The following PCSK5 variants were observed in gnomAD, a reference collection of about 807,000 sequenced individuals.
PCSK5 encodes the protein proprotein convertase subtilisin/kexin type 5.
A neutral mutation model predicts 233.2 loss-of-function variants in PCSK5; 129 were observed. That is an observed-to-expected ratio of 0.55 (90% CI 0.48 to 0.64). PCSK5 has a LOEUF of 0.64. Among genes scored for constraint, PCSK5 ranks in the 30% least tolerant of loss-of-function variants. PCSK5 has a pLI of 0.00. For synonymous variants in PCSK5, 825 were observed against 879.2 expected, an observed-to-expected ratio of 0.94 and a Z score of 1.09; for missense variants, 2,076 against 2,430.1, an observed-to-expected ratio of 0.85 and a Z score of 3.06.
At chr9:76,213,769 C>T (rs1331296527) in intron 20 of PCSK5, among the ~76,000 whole-genome samples, 3 of 152,086 alleles carry the variant, frequency 2.0e-5, no homozygotes, top group Non-Finnish European at 4.4e-5. Context: ...TCATTTCTCT[C>T]GAACTCAGTT....
intron 7 of PCSK5, among the ~76,000 whole-genome samples, chr9:76,086,212 A>G (rs2131630524): frequency 6.6e-6 from 1 of 152,334 alleles, no homozygotes; most frequent in East Asian, 1.9e-4. Flanking sequence ...TCTCCCAAAA[A>G]TGGCAATGCT....
At chr9:76,237,298 T>G (rs1376504650) in intron 22 of PCSK5, among the ~76,000 whole-genome samples, 5 of 152,184 alleles carry the variant, frequency 3.3e-5, no homozygotes, top group African/African-American at 7.2e-5. Context: ...CTTCTTTCCT[T>G]AGAGGATAAT....
At chr9:76,232,463 T>C (rs1165940906) in intron 21 of PCSK5, among the ~76,000 whole-genome samples, 1 of 152,188 alleles carries the variant, frequency 6.6e-6, no homozygotes, top group Admixed American at 6.5e-5. Context: ...ATCCAGACTG[T>C]CACTGAGCAG....
intron 29 of PCSK5, among the ~76,000 whole-genome samples, chr9:76,309,246 G>C (rs937452666): frequency 6.6e-6 from 1 of 152,020 alleles, no homozygotes; most frequent in African/African-American, 2.4e-5. Context: ...TTAATCTAAA[G>C]GCATGATGAA....
At chr9:75,889,837 G>A (rs549605399), upstream of PCSK5, among the ~76,000 whole-genome samples, 1 of 152,268 alleles carries the variant, frequency 6.6e-6, no homozygotes, top group South Asian at 2.1e-4. Context: ...AGGTGACGCC[G>A]CCACATATCT....
chr9:76,202,162 T>C (rs1388867127), intron 20 of PCSK5, among the ~76,000 whole-genome samples: 2 of 152,192 alleles, frequency 1.3e-5, no homozygotes, highest in Non-Finnish European at 2.9e-5. Flanking sequence ...AACATCTCCT[T>C]CGTCACTCCC....
intron 20 of PCSK5, chr9:76,194,681 AT>A: frequency 2.2e-6 from 1 of 448,140 alleles, no homozygotes; most frequent in Non-Finnish European, 4.6e-6. Context: ...AGACTGAATT[AT>A]GAGGAAACTA....
chr9:76,239,695 CA>C (rs61703191), intron 23 of PCSK5, among the ~76,000 whole-genome samples: 51,221 of 110,152 alleles, frequency 0.47, 9,458 homozygotes, highest in East Asian at 0.73. Flanking sequence ...GACTCCATCT[CA>C]AAAAAAAAAA....
intron 10 of PCSK5, among the ~76,000 whole-genome samples, chr9:76,143,429 CTT>C (rs1398903063): frequency 6.6e-6 from 1 of 152,132 alleles, no homozygotes; most frequent in Non-Finnish European, 1.5e-5. Flanking sequence ...ATAGTAATGA[CTT>C]TCAAACAAGT....
intron 35 of PCSK5, among the ~76,000 whole-genome samples, chr9:76,348,987 A>G (rs910591065): frequency 4.6e-5 from 7 of 152,138 alleles, no homozygotes; most frequent in African/African-American, 1.7e-4. Flanking sequence ...AAAATGTAGA[A>G]TGGGCTGGGT....
At chr9:76,023,979 C>A (rs1828309430) in intron 4 of PCSK5, 98 bp downstream of exon 4, 1 of 1,072,264 alleles carries the variant, frequency 9.3e-7, no homozygotes, top group Non-Finnish European at 1.4e-6. Flanking sequence ...AAAAATGTAG[C>A]AACGTACAAT....
rs139628352 is a variant in PCSK5 at position 76,176,580 on chromosome 9, C to T, written c.1900+1451C>T. Among the ~76,000 whole-genome samples the T allele has an allele frequency of 2.0e-5, 3 of 152,324 alleles. No individual in the cohort carries two copies. The East Asian group carries it at 5.8e-4, about 29-fold the overall frequency. On this transcript the variant is annotated intron_variant, in intron 14 of 37. Coordinates refer to ENST00000674117, the MANE Select transcript of PCSK5 (RefSeq NM_001372043.1). The stretch of plus-strand genomic sequence containing the variant: ...CTTATGGGAAGAATTGTTTTTGCAA[C>T]ATACAATCTTTCCATTTAAAACATA...
At position 76,188,694 on chromosome 9, in the gene PCSK5, T is replaced by C; in HGVS notation, c.2380+19T>C. 3 of 1,578,198 alleles carry C rather than the reference T, an allele frequency of 1.9e-6. No homozygotes were observed. The highest frequency in any genetic ancestry group is 2.6e-6 in the Non-Finnish European group (3 of 1,147,870). On this transcript the variant is annotated intron_variant, in intron 18 of 37. Transcript: ENST00000674117. Reference sequence around the variant, plus strand: ...TGTGCTGGTACCTTCCCTAGTTCTTTTGTTTATTCTCCCGGTTCTGGTTTT... The same window carrying C: ...TGTGCTGGTACCTTCCCTAGTTCTTCTGTTTATTCTCCCGGTTCTGGTTTT...
chr9:76,092,542 C>T (rs1268826631), intron 7 of PCSK5, among the ~76,000 whole-genome samples: 1 of 152,182 alleles, frequency 6.6e-6, no homozygotes, highest in African/African-American at 2.4e-5. Context: ...GGAATATAGG[C>T]ACATGCCACC....
In PCSK5 at chr9:76,312,097, C is replaced by T. The variant is rs1003717836; in HGVS notation, c.3884+1246C>T. Among the ~76,000 whole-genome samples, 6 of 152,188 alleles carry T rather than the reference C, an allele frequency of 3.9e-5. No individual in the cohort carries two copies. In the East Asian group the frequency reaches 9.6e-4, roughly 24 times the overall value. On this transcript the variant is annotated intron_variant, in intron 30 of 37. Coordinates refer to ENST00000674117, the MANE Select transcript of PCSK5 (RefSeq NM_001372043.1). The stretch of plus-strand genomic sequence containing the variant: ...ACATCCAAGCAACTCAGGACTCTGA[C>T]AGCCAGGAAGAATGGAGAGAGGGAG...
At chr9:76,046,155 CTTTTGTTTTT>C (rs1243105138) in intron 5 of PCSK5, among the ~76,000 whole-genome samples, 120 of 55,640 alleles carry the variant, frequency 2.2e-3, no homozygotes, top group African/African-American at 5.6e-3. Context: ...ATAATTTTTT[CTTTTGTTTTT>C]TTTTTTTTTT....
At chr9:76,175,696 TC>T (rs1317553758) in intron 14 of PCSK5, 1 of 153,510 alleles carries the variant, frequency 6.5e-6, no homozygotes, top group Non-Finnish European at 1.4e-5. Flanking sequence ...GTACCAGTCT[TC>T]ACTGTGACCA....
intron 2 of PCSK5, among the ~76,000 whole-genome samples, chr9:75,950,451 T>G (rs1019043751): frequency 2.0e-5 from 3 of 152,150 alleles, no homozygotes; most frequent in Non-Finnish European, 4.4e-5. Flanking sequence ...AAATTATTTG[T>G]TTTTAAAACG....
Position 76,052,564 on chromosome 9 carries a change from A to G in PCSK5, c.633-15391A>G, listed in dbSNP as rs190231348. ...CACCCCCTGATTCAATTACCTCCCA[A>G]TGGGTCCCTCCCACGATGCGTGGGG... is the stretch of plus-strand genomic sequence containing the variant. On this transcript the variant is annotated intron_variant, in intron 5 of 37. Transcript: ENST00000674117. Among the ~76,000 whole-genome samples the G allele has an allele frequency of 1.2e-4, 19 of 152,188 alleles. No homozygotes were observed. In the East Asian group the frequency reaches 2.9e-3, roughly 23 times the overall value.
Sources: gnomAD v4.1 joint callset for allele counts (sites outside exome capture counted in the v4.1 genomes callset) on GRCh38, gnomAD v4.1.1 for gene constraint, MANE v1.5 for transcripts, NCBI Gene and HGNC (gene_info 2026-07-23, HGNC 2026-07-21) for gene names.